Variants in DIP2C observed in about 807,000 individuals in gnomAD.
DIP2C encodes the protein disco-interacting protein 2 homolog C.
A neutral mutation model predicts 192.4 loss-of-function variants in DIP2C; 33 were observed. That is an observed-to-expected ratio of 0.17 (90% CI 0.13 to 0.23). The LOEUF is 0.23. Among genes scored for constraint, DIP2C ranks in the 10% least tolerant of loss-of-function variants. The pLI is 1.00. For missense variants in DIP2C, 1,537 were observed against 2,110.1 expected (o/e 0.73, Z 5.32); for synonymous variants, 979 against 864.1 (o/e 1.13, Z -2.33).
intron 1 of DIP2C, among the ~76,000 whole-genome samples, chr10:615,790 C>A (rs1391735529): frequency 1.3e-5 from 2 of 152,134 alleles, no homozygotes; most frequent in African/African-American, 2.4e-5. Flanking sequence ...GCGTCTCATG[C>A]GTGAGATTAC....
At chr10:390,226 A>T in intron 12 of DIP2C, 38 bp downstream of exon 12, 1 of 1,602,032 alleles carries the variant, frequency 6.2e-7, no homozygotes, top group African/African-American at 1.3e-5. Flanking sequence ...TGCCAAGGCC[A>T]CACTCAGGGC....
intron 1 of DIP2C, among the ~76,000 whole-genome samples, chr10:574,635 G>A (rs1588492901): frequency 6.6e-6 from 1 of 152,190 alleles, no homozygotes; most frequent in Non-Finnish European, 1.5e-5. Flanking sequence ...CTGATTCTTT[G>A]AAACACAATC....
At chr10:405,931 A>AAGG (rs1964773579) in intron 9 of DIP2C, among the ~76,000 whole-genome samples, 2 of 152,162 alleles carry the variant, frequency 1.3e-5, no homozygotes, top group South Asian at 2.1e-4. Context: ...TCTCCTCGAG[A>AAGG]GCCCTTCTCA....
intron 1 of DIP2C, among the ~76,000 whole-genome samples, chr10:536,366 G>A (rs1847692281): frequency 6.6e-6 from 1 of 151,154 alleles, no homozygotes; most frequent in East Asian, 1.9e-4. Context: ...GTTCCCCATA[G>A]GGACATCACA....
chr10:306,445 T>C (rs987563722), intron 32 of DIP2C, among the ~76,000 whole-genome samples: 5 of 152,206 alleles, frequency 3.3e-5, no homozygotes, highest in African/African-American at 7.2e-5. Context: ...GGAAATTGCA[T>C]GTGCATACCA....
intron 17 of DIP2C, among the ~76,000 whole-genome samples, chr10:380,717 C>G (rs187515737): frequency 6.6e-6 from 1 of 152,328 alleles, no homozygotes; most frequent in African/African-American, 2.4e-5. Flanking sequence ...TTTAAGAAGG[C>G]ATTCATTTTG....
At chr10:367,212 T>C (rs560285078) in intron 18 of DIP2C, among the ~76,000 whole-genome samples, 5 of 152,162 alleles carry the variant, frequency 3.3e-5, no homozygotes, top group Non-Finnish European at 5.9e-5. Flanking sequence ...GGTCAGGAGA[T>C]CGAGACCATC....
rs573676963 is a variant in DIP2C, at chr10:506,143, C to A, written c.86-19613G>T. On this transcript the variant is annotated intron_variant, in intron 1 of 36. Coordinates refer to ENST00000280886, the MANE Select transcript of DIP2C (RefSeq NM_014974.3). ...ATTGACATGCTTCCCATGCTCGTTA[C>A]CCTTCGGAAGACACATTTAAATAAC... Among the ~76,000 whole-genome samples, 20 of 152,262 alleles carry A rather than the reference C, an allele frequency of 1.3e-4. 1 individual carries two copies. The highest frequency in any genetic ancestry group is 4.6e-4 in the African/African-American group (19 of 41,538).
intron 24 of DIP2C, among the ~76,000 whole-genome samples, chr10:354,234 A>G (rs1251095416): frequency 6.6e-6 from 1 of 152,200 alleles, no homozygotes; most frequent in African/African-American, 2.4e-5. Context: ...TCTGGCCCCC[A>G]TCGGATTTGC....
chr10:374,701 GTAT>G (rs1009776635), intron 17 of DIP2C, among the ~76,000 whole-genome samples: 1 of 152,184 alleles, frequency 6.6e-6, no homozygotes, highest in Admixed American at 6.5e-5. Context: ...TGTGTTCCCT[GTAT>G]TATTGAGAAA....
rs1398500628 is a variant in DIP2C at position 689,582 on chromosome 10, C to T, written c.-4G>A. ...CCTCCAGGCTGCGGTCCGCCATGCT[C>T]CGCGGGCGCCGCGCCCCGCACGGCC... On this transcript the variant is annotated 5_prime_UTR_variant, in exon 1 of 37. Coordinates refer to ENST00000280886, the MANE Select transcript of DIP2C (RefSeq NM_014974.3). The surrounding 1 kb of genome is among the most constrained non-coding windows in gnomAD (Gnocchi z 6.1). 2.6e-6 allele frequency: 3 copies of T among 1,158,978 alleles called. No homozygotes were observed. The highest frequency in any genetic ancestry group is 3.2e-6 in the Non-Finnish European group (3 of 937,078). 71.8% of individuals were successfully genotyped at this position (1,158,978 alleles called of 1,614,324 possible).
intron 4 of DIP2C, among the ~76,000 whole-genome samples, chr10:432,234 CTT>C: frequency 6.6e-6 from 1 of 152,236 alleles, no homozygotes; most frequent in African/African-American, 2.4e-5. Context: ...TATTCCTCAG[CTT>C]TTATGTTCTG....
rs541065696 is a variant in DIP2C at position 623,213 on chromosome 10, C to T, written c.85+66281G>A. ...GAGGCAGCACCAGATGGATGTGTGC[C>T]GAGGGGATGCTGCAGCCGGGCTGGC... On this transcript the variant is annotated intron_variant, in intron 1 of 36. Transcript: ENST00000280886. Among the ~76,000 whole-genome samples the T allele has an allele frequency of 1.8e-3, 269 of 151,920 alleles. 1 individual carries two copies. Among genetic ancestry groups the T allele is most frequent in the Admixed American group, 2.8e-3 (43 of 15,282 alleles).
intron 1 of DIP2C, among the ~76,000 whole-genome samples, chr10:580,508 C>T (rs1442015168): frequency 1.3e-5 from 2 of 152,002 alleles, no homozygotes; most frequent in East Asian, 1.9e-4. Flanking sequence ...TATAATAGTG[C>T]CCATAGTTAT....
intron 1 of DIP2C, among the ~76,000 whole-genome samples, chr10:533,071 T>TA (rs1847510051): frequency 6.6e-6 from 1 of 152,172 alleles, no homozygotes; most frequent in African/African-American, 2.4e-5. Flanking sequence ...AAACCCCACT[T>TA]ACATAGATCC....
intron 1 of DIP2C, among the ~76,000 whole-genome samples, chr10:601,298 T>C (rs1318960970): frequency 1.3e-5 from 2 of 152,172 alleles, no homozygotes; most frequent in Admixed American, 6.5e-5. Flanking sequence ...TACATTAAGG[T>C]TTACAACACT....
chr10:534,450 T>A (rs1044187439), intron 1 of DIP2C, among the ~76,000 whole-genome samples: 3 of 152,190 alleles, frequency 2.0e-5, no homozygotes, highest in Non-Finnish European at 4.4e-5. Flanking sequence ...AATCCTTCTC[T>A]TTTTGTCAGG....
intron 1 of DIP2C, among the ~76,000 whole-genome samples, chr10:619,518 G>A (rs376937681): frequency 9.9e-4 from 103 of 104,324 alleles, no homozygotes; most frequent in African/African-American, 6.3e-3. Context: ...TTATGCCAGG[G>A]CCAGGACCAA....
intron 32 of DIP2C, among the ~76,000 whole-genome samples, chr10:299,400 T>C (rs1450236576): frequency 1.3e-5 from 2 of 152,260 alleles, no homozygotes; most frequent in East Asian, 1.9e-4. Context: ...TTTCTTTGGC[T>C]TGCCTTAATT....
Sources: allele counts gnomAD v4.1 joint callset (sites outside exome capture counted in the v4.1 genomes callset), GRCh38; gene constraint gnomAD v4.1.1; non-coding constraint Gnocchi (gnomAD v3.1); transcripts MANE v1.5; gene names NCBI Gene and HGNC (gene_info 2026-07-23, HGNC 2026-07-21).